ITGBL1: variants seen among roughly 807,000 people sequenced by gnomAD.
ITGBL1 encodes the protein integrin subunit beta like 1.
ITGBL1 carries 51 observed loss-of-function variants against 68.5 expected under a neutral mutation model. The observed-to-expected ratio is 0.74, with a 90% CI of 0.59 to 0.94. ITGBL1 has a LOEUF of 0.94. Among genes scored for constraint, ITGBL1 ranks in the 40% least tolerant of loss-of-function variants. The pLI is 0.00. For synonymous variants in ITGBL1, 209 were observed against 227.3 expected (o/e 0.92, Z 0.72); for missense variants, 649 against 647.4 (o/e 1.00, Z -0.03).
intron 7 of ITGBL1, among the ~76,000 whole-genome samples, chr13:101,600,937 A>G (rs2030334828): frequency 6.6e-6 from 1 of 152,110 alleles, no homozygotes; most frequent in South Asian, 2.1e-4. Flanking sequence ...TGGTATCAGG[A>G]TGATGCTGAC....
At chr13:101,547,987 C>T (rs1222120456) in intron 2 of ITGBL1, among the ~76,000 whole-genome samples, 1 of 151,502 alleles carries the variant, frequency 6.6e-6, no homozygotes. Flanking sequence ...AAAGCAAACT[C>T]TAAAAAGGTT....
At position 101,596,802 on chromosome 13, in the gene ITGBL1, G is replaced by GA. The variant is rs200340033; in HGVS notation, c.869-1342dup. ...GAATCTTAGATGCATATTACCAACT[G>GA]AAAAAAAAACTGAAAGGACTACATA... On this transcript the variant is annotated intron_variant, in intron 6 of 10. Coordinates refer to ENST00000376180, the MANE Select transcript of ITGBL1 (RefSeq NM_004791.3). 1.7e-4 allele frequency among the ~76,000 whole-genome samples: 25 copies of GA among 149,402 alleles called. No homozygotes were observed. The East Asian group carries it at 2.2e-3, about 13-fold the overall frequency.
At chr13:101,549,569 A>T (rs757611599) in intron 2 of ITGBL1, among the ~76,000 whole-genome samples, 1 of 152,090 alleles carries the variant, frequency 6.6e-6, no homozygotes, top group Non-Finnish European at 1.5e-5. Flanking sequence ...CAGAAAAATA[A>T]TGAAAATGTT....
intron 7 of ITGBL1, among the ~76,000 whole-genome samples, chr13:101,673,887 C>T (rs900906728): frequency 6.6e-6 from 1 of 152,186 alleles, no homozygotes. Flanking sequence ...TCAGCAATCA[C>T]TTCCCTCTGA....
At chr13:101,537,315 C>A (rs1350175043) in intron 2 of ITGBL1, among the ~76,000 whole-genome samples, 6 of 151,938 alleles carry the variant, frequency 3.9e-5, no homozygotes, top group Non-Finnish European at 1.5e-5. Flanking sequence ...AAATTTTGGT[C>A]AAGTAACTTA....
intron 2 of ITGBL1, among the ~76,000 whole-genome samples, chr13:101,530,267 C>T (rs184116572): frequency 0.014 from 2,096 of 151,426 alleles, 46 homozygotes; most frequent in African/African-American, 0.048. Flanking sequence ...AGAGAGAGAG[C>T]GCGAGGGGAG....
In ITGBL1 at chr13:101,692,588, A is replaced by G; in HGVS notation, c.1019A>G (p.Lys340Arg). Reference protein sequence around the residue: ...SSDLPCSGRGKCECGKCTCYP... With the variant: ...SSDLPCSGRGRCECGKCTCYP... ...GCACTTTCTTTATACTTTCCAGGTA[A>G]ATGTGAATGTGGCAAATGCACCTGC... The change falls in exon 8 of 11, where the codon AAA (lysine) becomes AGA (arginine). Residue 340 changes from lysine (K) to arginine (R), a missense_variant. By Grantham distance (26) the Lys-to-Arg change is conservative (BLOSUM62 2). Transcript: ENST00000376180. 6.2e-7 allele frequency: 1 copy of G among 1,607,998 alleles called. No individual in the cohort carries two copies. Among genetic ancestry groups the G allele is most frequent in the Non-Finnish European group, 8.5e-7 (1 of 1,174,498 alleles).
intron 7 of ITGBL1, among the ~76,000 whole-genome samples, chr13:101,621,522 TAAAG>T (rs2031583094): frequency 6.6e-6 from 1 of 152,050 alleles, no homozygotes. Flanking sequence ...TAAAAAGGGA[TAAAG>T]AAACTAACCC....
Position 101,598,251 on chromosome 13 carries a change from A to G in ITGBL1, c.967A>G (p.Ser323Gly), listed in dbSNP as rs1403792554. Residue 323 changes from serine (S) to glycine (G), a missense_variant, in exon 7 of 11, where the codon AGC becomes GGC. Physicochemically the swap from Ser to Gly is moderately conservative, Grantham distance 56 (BLOSUM62 0). Transcript: ENST00000376180. Reference sequence around the variant, plus strand: ...GTCCTGCACGCTGTCAGCTGAGGAGAGCATCAGGAAGTGCCAGGGAAGCTC... The same window carrying G: ...GTCCTGCACGCTGTCAGCTGAGGAGGGCATCAGGAAGTGCCAGGGAAGCTC... ...PQSCTLSAEE[S>G]IRKCQGSSDL... is the part of the protein sequence containing the mutation. 2 of 1,613,260 alleles carry G rather than the reference A, an allele frequency of 1.2e-6. No individual in the cohort carries two copies. Among genetic ancestry groups the G allele is most frequent in the Non-Finnish European group, 8.5e-7 (1 of 1,179,774 alleles).
At chr13:101,672,743 C>T (rs914181470) in intron 7 of ITGBL1, among the ~76,000 whole-genome samples, 6 of 152,136 alleles carry the variant, frequency 3.9e-5, no homozygotes, top group East Asian at 1.9e-4. Flanking sequence ...CAGACAGAGA[C>T]GGCTGCTCTC....
At chr13:101,541,743 G>A (rs1447422648) in intron 2 of ITGBL1, among the ~76,000 whole-genome samples, 1 of 152,050 alleles carries the variant, frequency 6.6e-6, no homozygotes, top group Non-Finnish European at 1.5e-5. Flanking sequence ...GCCTATTATT[G>A]GTCTCTTCAG....
intron 7 of ITGBL1, among the ~76,000 whole-genome samples, chr13:101,629,859 G>A (rs1471654586): frequency 6.6e-6 from 1 of 151,992 alleles, no homozygotes; most frequent in Non-Finnish European, 1.5e-5. Context: ...GTCTTGTTCT[G>A]TCACCCAGGC....
At chr13:101,591,165 A>G (rs185395333) in intron 6 of ITGBL1, among the ~76,000 whole-genome samples, 25 of 152,304 alleles carry the variant, frequency 1.6e-4, no homozygotes, top group Admixed American at 1.5e-3. Context: ...GGCCTTCCAA[A>G]GTGCTGGGAT....
intron 7 of ITGBL1, among the ~76,000 whole-genome samples, chr13:101,601,232 T>C (rs2030356094): frequency 1.3e-5 from 2 of 152,358 alleles, no homozygotes; most frequent in African/African-American, 2.4e-5. Flanking sequence ...TAGAGGTGTT[T>C]ATAGTATTCT....
At chr13:101,548,657 T>C (rs576370162) in intron 2 of ITGBL1, among the ~76,000 whole-genome samples, 1 of 151,866 alleles carries the variant, frequency 6.6e-6, no homozygotes, top group South Asian at 2.1e-4. Context: ...AAGTAAAAAA[T>C]TGTCTTCACT....
chr13:101,585,771 G>C, intron 6 of ITGBL1, among the ~76,000 whole-genome samples: 1 of 152,058 alleles, frequency 6.6e-6, no homozygotes, highest in East Asian at 1.9e-4. Flanking sequence ...AACATGATTT[G>C]ACACAATTTA....
chr13:101,576,077 T>C (rs1206180585), intron 4 of ITGBL1, among the ~76,000 whole-genome samples: 2 of 152,200 alleles, frequency 1.3e-5, no homozygotes, highest in African/African-American at 2.4e-5. Flanking sequence ...AGTTCTTGCA[T>C]GTTTGCTAGT....
At chr13:101,504,307 CCT>C (rs974728115) in intron 2 of ITGBL1, among the ~76,000 whole-genome samples, 3 of 151,992 alleles carry the variant, frequency 2.0e-5, no homozygotes, top group African/African-American at 7.2e-5. Context: ...GGAATCATGC[CCT>C]CTCAGAGTCA....
intron 7 of ITGBL1, among the ~76,000 whole-genome samples, chr13:101,647,496 A>T (rs184950041): frequency 1.1e-3 from 167 of 152,324 alleles, no homozygotes; most frequent in Non-Finnish European, 1.7e-3. Context: ...AACAAAAAAA[A>T]ATATATTTGA....
Sources: gnomAD v4.1 joint callset for allele counts (sites outside exome capture counted in the v4.1 genomes callset) on GRCh38, gnomAD v4.1.1 for gene constraint, MANE v1.5 for transcripts, NCBI Gene and HGNC (gene_info 2026-07-23, HGNC 2026-07-21) for gene names.